The following SUGCT variants were observed in gnomAD, a reference collection of about 807,000 sequenced individuals.
SUGCT encodes the protein succinyl-CoA:glutarate CoA-transferase.
In SUGCT, 41 loss-of-function variants were observed where a neutral mutation model predicts 55.0. The ratio of observed to expected loss-of-function variants is 0.74; its 90% CI spans 0.58 to 0.97. The LOEUF (loss-of-function observed/expected upper bound fraction) is 0.97, where lower values mean the gene tolerates loss of function less well. Ranked by LOEUF, SUGCT falls within the 50% of genes least tolerant of loss-of-function variation. The probability of loss-of-function intolerance (pLI) is 0.00; values close to 1 mark genes in which losing one functional copy is unlikely to be tolerated. For missense variants in SUGCT, 568 were observed against 547.8 expected, an observed-to-expected ratio of 1.04 and a Z score of -0.37; for synonymous variants, 187 against 200.4, an observed-to-expected ratio of 0.93 and a Z score of 0.56.
At chr7:40,590,388 T>C (rs577471231) in intron 12 of SUGCT, among the ~76,000 whole-genome samples, 1 of 152,280 alleles carries the variant, frequency 6.6e-6, no homozygotes, top group Non-Finnish European at 1.5e-5. Flanking sequence ...ACAAAGCATG[T>C]AGAAAGCCAG....
Position 40,738,183 on chromosome 7 carries a change from C to T in SUGCT, c.1090-11251C>T, listed in dbSNP as rs544029463. On this transcript the variant is annotated intron_variant, in intron 12 of 13. Coordinates refer to ENST00000335693, the MANE Select transcript of SUGCT (RefSeq NM_001193313.2). ...CTGCACTCCAGCCTGGGTGAGAGAG[C>T]GAGACTCCATCTTAAAAAAAAAAAA... is the stretch of plus-strand genomic sequence containing the variant. Among the ~76,000 whole-genome samples the T allele has an allele frequency of 1.3e-3, 160 of 126,310 alleles. 1 individual carries two copies. Among genetic ancestry groups the T allele is most frequent in the Non-Finnish European group, 2.1e-3 (133 of 63,576 alleles). 82.9% of individuals were successfully genotyped at this position (126,310 alleles called of 152,430 possible). A position where few individuals can be genotyped will look rare whatever the true frequency, so the allele number is the denominator to read the frequency against.
chr7:40,956,693 C>CT, the SUGCT span, among the ~76,000 whole-genome samples: 1 of 150,452 alleles, frequency 6.6e-6, no homozygotes, highest in Non-Finnish European at 1.5e-5. Flanking sequence ...TTCTCTAGTT[C>CT]TTTTAATTGT....
chr7:40,289,451 G>A (rs1001050517), intron 8 of SUGCT, among the ~76,000 whole-genome samples: 2 of 152,090 alleles, frequency 1.3e-5, no homozygotes, highest in Non-Finnish European at 2.9e-5. Context: ...TAGAGCAATT[G>A]TAACAATATA....
intron 7 of SUGCT, 146 bp downstream of exon 7, chr7:40,237,872 A>G (rs1405215092): frequency 1.1e-5 from 7 of 637,050 alleles, no homozygotes; most frequent in Admixed American, 3.0e-5. Context: ...TAATAATTTT[A>G]GAAAGAAACC....
At chr7:40,511,877 T>C (rs1792951619) in intron 12 of SUGCT, among the ~76,000 whole-genome samples, 2 of 152,166 alleles carry the variant, frequency 1.3e-5, no homozygotes, top group African/African-American at 4.8e-5. Context: ...GCCTGAAATA[T>C]TATTAATATT....
chr7:40,253,666 C>G (rs1790600490), intron 7 of SUGCT, among the ~76,000 whole-genome samples: 1 of 152,060 alleles, frequency 6.6e-6, no homozygotes, highest in Admixed American at 6.6e-5. Flanking sequence ...GGTGGCTGGA[C>G]AGAGCCACCA....
chr7:40,294,566 C>T (rs1335736435), intron 8 of SUGCT, among the ~76,000 whole-genome samples: 10 of 152,040 alleles, frequency 6.6e-5, no homozygotes, highest in East Asian at 1.9e-4. Flanking sequence ...TGATTTGAGA[C>T]GGAGTTTCAC....
chr7:40,699,619 A>G (rs533047439), intron 12 of SUGCT, among the ~76,000 whole-genome samples: 21 of 152,356 alleles, frequency 1.4e-4, no homozygotes, highest in African/African-American at 3.6e-4. Flanking sequence ...CTGTAATCCC[A>G]GCACTTTGGG....
chr7:40,140,911 T>C (rs897793260), intron 1 of SUGCT, among the ~76,000 whole-genome samples: 2 of 152,210 alleles, frequency 1.3e-5, no homozygotes, highest in African/African-American at 2.4e-5. Flanking sequence ...AGAAATTGCA[T>C]TGAACCTGCA....
chr7:40,377,200 T>TCC (rs1562728694), intron 9 of SUGCT, among the ~76,000 whole-genome samples: 1 of 5,952 alleles, frequency 1.7e-4, no homozygotes, highest in African/African-American at 1.9e-4. Flanking sequence ...CTTTCTTTCT[T>TCC]TTCTTTTCTT....
rs543369387 is a variant in SUGCT at position 40,814,394 on chromosome 7, T to A, written c.1154-45922T>A. On this transcript the variant is annotated intron_variant, in intron 13 of 13. Transcript: ENST00000335693. Reference sequence around the variant, plus strand: ...TTTCTTGACAACTTTATTCATTTTTTAAAATTATTTTTTTCTTTATTTTTG... The same window carrying A: ...TTTCTTGACAACTTTATTCATTTTTAAAAATTATTTTTTTCTTTATTTTTG... 4.6e-5 allele frequency among the ~76,000 whole-genome samples: 7 copies of A among 152,246 alleles called. No individual in the cohort carries two copies. The East Asian group carries it at 1.4e-3, about 29-fold the overall frequency.
chr7:40,281,280 G>A (rs1379502236), intron 8 of SUGCT, among the ~76,000 whole-genome samples: 1 of 152,160 alleles, frequency 6.6e-6, no homozygotes, highest in Non-Finnish European at 1.5e-5. Flanking sequence ...TGTGTATCTG[G>A]GAAGGAAGTA....
At chr7:40,974,369 A>C in the SUGCT span, among the ~76,000 whole-genome samples, 1 of 152,208 alleles carries the variant, frequency 6.6e-6, no homozygotes, top group Non-Finnish European at 1.5e-5. Flanking sequence ...ATAAGGTCAA[A>C]AGTGTGGGGG....
chr7:40,212,627 T>G (rs1787407430), intron 6 of SUGCT, among the ~76,000 whole-genome samples: 1 of 152,070 alleles, frequency 6.6e-6, no homozygotes, highest in Non-Finnish European at 1.5e-5. Context: ...CTCCGCCTCC[T>G]GGGTTAAAGC....
intron 12 of SUGCT, among the ~76,000 whole-genome samples, chr7:40,637,552 C>T (rs556963027): frequency 6.6e-6 from 1 of 152,204 alleles, no homozygotes; most frequent in Non-Finnish European, 1.5e-5. Flanking sequence ...AACATCAGAT[C>T]CTAGTCAGCA....
chr7:40,940,330 C>CT, the SUGCT span, among the ~76,000 whole-genome samples: 1 of 151,864 alleles, frequency 6.6e-6, no homozygotes, highest in African/African-American at 2.4e-5. Flanking sequence ...CAGATTTGTT[C>CT]TTTTTTGCTT....
intron 6 of SUGCT, among the ~76,000 whole-genome samples, chr7:40,212,241 A>G (rs2150796762): frequency 6.6e-6 from 1 of 151,776 alleles, no homozygotes; most frequent in South Asian, 2.1e-4. Context: ...CCTGGGCAAC[A>G]TAGTGAGACC....
intron 12 of SUGCT, among the ~76,000 whole-genome samples, chr7:40,505,832 A>G (rs1049438966): frequency 1.4e-4 from 21 of 151,992 alleles, no homozygotes; most frequent in African/African-American, 4.8e-4. Flanking sequence ...TGTTAACCCT[A>G]TCTTATTCTT....
intron 12 of SUGCT, among the ~76,000 whole-genome samples, chr7:40,747,862 T>G (rs1175993694): frequency 1.3e-5 from 2 of 152,194 alleles, no homozygotes; most frequent in African/African-American, 4.8e-5. Flanking sequence ...ATTCAACACT[T>G]ATGTATCAGA....
Sources: allele counts gnomAD v4.1 joint callset (sites outside exome capture counted in the v4.1 genomes callset), GRCh38; gene constraint gnomAD v4.1.1; transcripts MANE v1.5; gene names NCBI Gene and HGNC (gene_info 2026-07-23, HGNC 2026-07-21).